The following LRRC28 variants were observed in gnomAD, a reference collection of about 807,000 sequenced individuals.
LRRC28 encodes the protein leucine rich repeat containing 28, also known as leucine-rich repeat-containing protein 28.
A neutral mutation model predicts 45.7 loss-of-function variants in LRRC28; 39 were observed. The observed-to-expected ratio is 0.85, with a 90% CI of 0.66 to 1.12. LRRC28 has a LOEUF of 1.12. Among genes scored for constraint, LRRC28 ranks in the 50% most tolerant of loss-of-function variants. The pLI is 0.00. For missense variants in LRRC28, 435 were observed against 438.5 expected, an observed-to-expected ratio of 0.99 and a Z score of 0.07; for synonymous variants, 206 against 178.8, an observed-to-expected ratio of 1.15 and a Z score of -1.22.
chr15:99,318,518 C>G (rs1254017863), intron 5 of LRRC28, among the ~76,000 whole-genome samples: 1 of 151,890 alleles, frequency 6.6e-6, no homozygotes, highest in Non-Finnish European at 1.5e-5. Flanking sequence ...TCTTTCTGTG[C>G]CACATTTCAT....
At chr15:99,385,549 C>G (rs191041432) in intron 9 of LRRC28, among the ~76,000 whole-genome samples, 1 of 152,218 alleles carries the variant, frequency 6.6e-6, no homozygotes, top group Non-Finnish European at 1.5e-5. Context: ...ATGACCTCTA[C>G]GAGCAACCTA....
intron 3 of LRRC28, among the ~76,000 whole-genome samples, chr15:99,284,145 A>C (rs936702569): frequency 1.3e-5 from 2 of 152,228 alleles, no homozygotes; most frequent in Non-Finnish European, 2.9e-5. Context: ...CCACTTTACC[A>C]GTAATGGTTC....
intron 6 of LRRC28, among the ~76,000 whole-genome samples, chr15:99,344,382 C>T (rs950896540): frequency 4.6e-5 from 7 of 152,072 alleles, no homozygotes; most frequent in Admixed American, 4.6e-4. Flanking sequence ...AATTTCAGTA[C>T]TGCCACTCCC....
intron 8 of LRRC28, among the ~76,000 whole-genome samples, chr15:99,361,953 T>A (rs901146947): frequency 2.0e-5 from 3 of 152,284 alleles, no homozygotes; most frequent in African/African-American, 7.2e-5. Flanking sequence ...AGAGCAGGTT[T>A]TTGCCTTGCC....
chr15:99,375,653 G>C (rs559045185), intron 9 of LRRC28, among the ~76,000 whole-genome samples: 10 of 152,026 alleles, frequency 6.6e-5, no homozygotes, highest in Non-Finnish European at 1.5e-4. Context: ...AATGGTTGTA[G>C]GACTATTCAG....
chr15:99,363,462 T>A, intron 9 of LRRC28, 197 bp downstream of exon 9: 1 of 550,752 alleles, frequency 1.8e-6, no homozygotes, highest in South Asian at 2.5e-5. Context: ...AATTTTTTGG[T>A]CATGTGCTGG....
chr15:99,287,427 T>G (rs2152209784), intron 4 of LRRC28, 133 bp downstream of exon 4: 1 of 599,106 alleles, frequency 1.7e-6, no homozygotes, highest in African/African-American at 1.9e-5. Context: ...TAAGTCCAGT[T>G]AAGAACTATA....
chr15:99,305,295 A>C (rs1374430598), intron 5 of LRRC28, among the ~76,000 whole-genome samples: 1 of 152,236 alleles, frequency 6.6e-6, no homozygotes, highest in Non-Finnish European at 1.5e-5. Flanking sequence ...TTTTTAATAT[A>C]GTCATGGTTG....
intron 3 of LRRC28, chr15:99,285,644 T>C: frequency 1.6e-6 from 1 of 644,528 alleles, no homozygotes. Flanking sequence ...CACTGTGTAC[T>C]ATTTCATACA....
intron 5 of LRRC28, among the ~76,000 whole-genome samples, chr15:99,290,886 G>A (rs537112082): frequency 6.6e-6 from 1 of 152,074 alleles, no homozygotes; most frequent in African/African-American, 2.4e-5. Flanking sequence ...AGAATCTCTT[G>A]AGCCCAGGAT....
At chr15:99,264,954 G>A (rs779603411) in intron 2 of LRRC28, among the ~76,000 whole-genome samples, 3 of 152,200 alleles carry the variant, frequency 2.0e-5, no homozygotes, top group South Asian at 4.1e-4. Flanking sequence ...GGGAGAACAG[G>A]TGGAAAGACA....
Position 99,363,284 on chromosome 15 carries a change from G to T in LRRC28, c.1031+19G>T, listed in dbSNP as rs924786333. On this transcript the variant is annotated intron_variant, in intron 9 of 9. Coordinates refer to ENST00000301981, the MANE Select transcript of LRRC28 (RefSeq NM_144598.5). Reference sequence around the variant, plus strand: ...ACCAGTGGTAATCATGCCTAAGTGGGCACCAGGGTTTACACCCAGGCAAGG... The same window carrying T: ...ACCAGTGGTAATCATGCCTAAGTGGTCACCAGGGTTTACACCCAGGCAAGG... The T allele has an allele frequency of 4.3e-6, 7 of 1,613,076 alleles. No individual in the cohort carries two copies. Among genetic ancestry groups the T allele is most frequent in the East Asian group, 4.5e-5 (2 of 44,876 alleles).
At chr15:99,287,230 G>T in intron 3 of LRRC28, 27 bp from the exon 4 acceptor site, 1 of 1,558,004 alleles carries the variant, frequency 6.4e-7, no homozygotes, top group South Asian at 1.2e-5. Context: ...AATGATAATG[G>T]CTGTTTTTTT....
At chr15:99,308,362 A>G (rs1882190598) in intron 5 of LRRC28, among the ~76,000 whole-genome samples, 1 of 152,162 alleles carries the variant, frequency 6.6e-6, no homozygotes, top group Non-Finnish European at 1.5e-5. Context: ...ATATGATTGA[A>G]GAAAGTAAAA....
At chr15:99,259,302 A>G (rs2081121249) in intron 2 of LRRC28, 2 of 1,173,706 alleles carry the variant, frequency 1.7e-6, no homozygotes, top group Non-Finnish European at 2.6e-6. Context: ...AAAAGGGGCT[A>G]TGAAGTTATT....
chr15:99,376,651 A>G (rs547280242), intron 9 of LRRC28, among the ~76,000 whole-genome samples: 1 of 152,226 alleles, frequency 6.6e-6, no homozygotes, highest in East Asian at 1.9e-4. Context: ...CATTATTTAC[A>G]TTAGGTATAT....
intron 2 of LRRC28, among the ~76,000 whole-genome samples, chr15:99,265,040 GGGAA>G (rs1300935837): frequency 6.6e-6 from 1 of 152,182 alleles, no homozygotes; most frequent in Non-Finnish European, 1.5e-5. Context: ...CCATCTGCTT[GGGAA>G]TGAACATTTG....
intron 5 of LRRC28, among the ~76,000 whole-genome samples, chr15:99,307,620 C>T (rs1175576900): frequency 4.0e-5 from 6 of 151,880 alleles, no homozygotes; most frequent in Non-Finnish European, 8.8e-5. Flanking sequence ...ATAAATTTAC[C>T]TTCTTCCTCA....
At chr15:99,289,183 C>T (rs553620158) in intron 5 of LRRC28, among the ~76,000 whole-genome samples, 187 of 152,128 alleles carry the variant, frequency 1.2e-3, no homozygotes, top group African/African-American at 4.3e-3. Flanking sequence ...CATCCAGAGA[C>T]CTTGCTTTGT....
Sources: gnomAD v4.1 joint callset for allele counts (sites outside exome capture counted in the v4.1 genomes callset) on GRCh38, gnomAD v4.1.1 for gene constraint, MANE v1.5 for transcripts, NCBI Gene and HGNC (gene_info 2026-07-23, HGNC 2026-07-21) for gene names.